The following RIMS2 variants were observed in gnomAD, a reference collection of about 807,000 sequenced individuals.
RIMS2 encodes regulating synaptic membrane exocytosis protein 2.
In RIMS2, 59 loss-of-function variants were observed where a neutral mutation model predicts 174.4. The ratio of observed to expected loss-of-function variants is 0.34; its 90% CI spans 0.27 to 0.42. The LOEUF is 0.42. RIMS2 is among the 10% of genes least tolerant of loss of function. RIMS2 has a pLI of 1.00. For missense variants in RIMS2, 1,620 were observed against 1,666.3 expected (o/e 0.97, Z 0.48); for synonymous variants, 606 against 572.5 (o/e 1.06, Z -0.84).
At chr8:103,931,482 G>A in intron 12 of RIMS2, 89 bp downstream of exon 14, 1 of 869,728 alleles carries the variant, frequency 1.1e-6, no homozygotes, top group Non-Finnish European at 1.7e-6. Flanking sequence ...TCATTTATTG[G>A]TATCATACTA....
chr8:103,987,723 G>C (rs994508005), intron 16 of RIMS2, among the ~76,000 whole-genome samples: 3 of 152,108 alleles, frequency 2.0e-5, no homozygotes, highest in Non-Finnish European at 4.4e-5. Context: ...ATCTCCACAG[G>C]AAACCCAACA....
At chr8:103,982,781 C>G (rs1209203392) in intron 16 of RIMS2, among the ~76,000 whole-genome samples, 3 of 152,140 alleles carry the variant, frequency 2.0e-5, no homozygotes, top group Admixed American at 2.0e-4. Flanking sequence ...ACAACAGACT[C>G]ACAGCTAGTA....
chr8:103,609,788 G>C (rs145902512), intron 1 of RIMS2, among the ~76,000 whole-genome samples: 1 of 152,136 alleles, frequency 6.6e-6, no homozygotes, highest in Non-Finnish European at 1.5e-5. Flanking sequence ...TGTTCTTTCT[G>C]CTTAGGATTG....
intron 19 of RIMS2, among the ~76,000 whole-genome samples, chr8:104,166,087 G>C (rs1244170674): frequency 9.2e-6 from 1 of 108,344 alleles, no homozygotes. Context: ...TTTTTTTTGA[G>C]ACAGAGTCTC....
At chr8:104,024,890 C>T (rs1012164278) in intron 19 of RIMS2, among the ~76,000 whole-genome samples, 3 of 152,140 alleles carry the variant, frequency 2.0e-5, no homozygotes, top group African/African-American at 4.8e-5. Context: ...TTTCATATTC[C>T]GCTATTACCT....
intron 2 of RIMS2, among the ~76,000 whole-genome samples, chr8:103,714,641 ATT>A (rs1395664740): frequency 6.6e-6 from 1 of 152,200 alleles, no homozygotes; most frequent in Non-Finnish European, 1.5e-5. Flanking sequence ...AAGAATAGTT[ATT>A]GACAGATGAT....
intron 19 of RIMS2, among the ~76,000 whole-genome samples, chr8:104,152,996 G>C (rs12550420): frequency 0.025 from 3,778 of 152,178 alleles, 158 homozygotes; most frequent in East Asian, 0.15. Flanking sequence ...CTGAAGAGTA[G>C]AAACTCAGCA....
intron 19 of RIMS2, among the ~76,000 whole-genome samples, chr8:104,112,297 G>T (rs1012098926): frequency 1.3e-5 from 2 of 151,998 alleles, no homozygotes; most frequent in African/African-American, 4.8e-5. Context: ...TTTTAATCAT[G>T]ATTTTAACAA....
At chr8:103,504,054 CA>C (rs1486296918) in intron 1 of RIMS2, among the ~76,000 whole-genome samples, 2 of 152,066 alleles carry the variant, frequency 1.3e-5, no homozygotes, top group African/African-American at 4.8e-5. Context: ...TTAAAAATCT[CA>C]GTAGAACCCT....
At position 104,223,413 on chromosome 8, in the gene RIMS2, G is replaced by T. The variant is rs972317683; in HGVS notation, c.3335-21503G>T. 1.7e-5 allele frequency: 21 copies of T among 1,272,662 alleles called. No individual in the cohort carries two copies. The African/African-American group carries it at 2.9e-4, about 17-fold the overall frequency. The allele number at this position is 1,272,662 out of a possible 1,614,324, so 78.8% of individuals were successfully genotyped here. A position where few individuals can be genotyped will look rare whatever the true frequency, so the allele number is the denominator to read the frequency against. On this transcript the variant is annotated intron_variant, in intron 19 of 23. Coordinates refer to ENST00000504942, the Ensembl canonical transcript of RIMS2. ...GACGTTCACTGCGAGCAGCCGCTCC[G>T]CCCGCCACCGCCTCCATCTCCTCCT...
chr8:103,563,253 C>T, intron 1 of RIMS2, among the ~76,000 whole-genome samples: 1 of 152,154 alleles, frequency 6.6e-6, no homozygotes, highest in South Asian at 2.1e-4. Context: ...ATTTTCCACA[C>T]TTTTATGCTG....
rs1343507757 is a variant in RIMS2 at position 103,784,286 on chromosome 8, G to T, written c.698+17749G>T. The stretch of plus-strand genomic sequence containing the variant: ...TCTTTAGTTTAATTAGATCCCATTT[G>T]TCAATTTTGGCTTTTGTTGCCATTG... On this transcript the variant is annotated intron_variant, in intron 3 of 23. Coordinates refer to ENST00000504942, the Ensembl canonical transcript of RIMS2. Among the ~76,000 whole-genome samples the T allele has an allele frequency of 6.8e-3, 1,014 of 149,750 alleles. 6 individuals carry two copies. Among genetic ancestry groups the T allele is most frequent in the African/African-American group, 0.023 (962 of 40,976 alleles).
intron 19 of RIMS2, among the ~76,000 whole-genome samples, chr8:104,234,173 C>A (rs1343771490): frequency 6.6e-6 from 1 of 152,096 alleles, no homozygotes; most frequent in Non-Finnish European, 1.5e-5. Flanking sequence ...TCCAAGTTTG[C>A]ACCAAAGAAC....
chr8:103,781,584 G>A (rs946325900), intron 3 of RIMS2, among the ~76,000 whole-genome samples: 4 of 151,874 alleles, frequency 2.6e-5, no homozygotes, highest in South Asian at 2.1e-4. Flanking sequence ...TTTAAAAAAC[G>A]GTTCAAAATC....
At chr8:104,171,624 A>C (rs1365618623) in intron 19 of RIMS2, among the ~76,000 whole-genome samples, 1 of 151,994 alleles carries the variant, frequency 6.6e-6, no homozygotes, top group Non-Finnish European at 1.5e-5. Context: ...CAACCTTCTG[A>C]ATTTTTTATC....
intron 16 of RIMS2, among the ~76,000 whole-genome samples, chr8:103,985,570 G>A (rs568272706): frequency 6.9e-6 from 1 of 144,842 alleles, no homozygotes; most frequent in East Asian, 2.2e-4. Context: ...GGATTATTAA[G>A]TATTTTGTGC....
intron 17 of RIMS2, among the ~76,000 whole-genome samples, chr8:104,012,485 T>C (rs1161848232): frequency 6.6e-6 from 1 of 152,068 alleles, no homozygotes; most frequent in African/African-American, 2.4e-5. Context: ...GTCTATATTA[T>C]ATAAGCATTT....
chr8:103,630,625 C>G (rs533718650), intron 1 of RIMS2, among the ~76,000 whole-genome samples: 1 of 147,514 alleles, frequency 6.8e-6, no homozygotes, highest in East Asian at 2.0e-4. Context: ...CTACATGCTA[C>G]TTACAGTAGT....
intron 17 of RIMS2, among the ~76,000 whole-genome samples, chr8:103,992,856 C>G (rs778752965): frequency 6.6e-6 from 1 of 152,160 alleles, no homozygotes; most frequent in Non-Finnish European, 1.5e-5. Flanking sequence ...CATTCCACCG[C>G]TTTTTATACC....
Sources: allele counts gnomAD v4.1 joint callset (sites outside exome capture counted in the v4.1 genomes callset), GRCh38; gene constraint gnomAD v4.1.1; transcripts MANE v1.5; gene names NCBI Gene and HGNC (gene_info 2026-07-23, HGNC 2026-07-21).